SMC5: variants seen among roughly 807,000 people sequenced by gnomAD.
SMC5 encodes structural maintenance of chromosomes protein 5.
In SMC5, 88 loss-of-function variants were observed where a neutral mutation model predicts 148.3. The observed-to-expected ratio is 0.59, with a 90% CI of 0.50 to 0.71. The LOEUF (loss-of-function observed/expected upper bound fraction) is 0.71, where lower values mean the gene tolerates loss of function less well. Among genes scored for constraint, SMC5 ranks in the 30% least tolerant of loss-of-function variants. The pLI, the probability that SMC5 is intolerant of heterozygous loss-of-function variation, is 0.00. For missense variants in SMC5, 1,142 were observed against 1,298.9 expected, an observed-to-expected ratio of 0.88 and a Z score of 1.86; for synonymous variants, 421 against 432.8, an observed-to-expected ratio of 0.97 and a Z score of 0.34.
At chr9:70,287,437 A>G in intron 8 of SMC5, among the ~76,000 whole-genome samples, 1 of 152,110 alleles carries the variant, frequency 6.6e-6, no homozygotes, top group Admixed American at 6.6e-5. Context: ...TGTTAGGATG[A>G]TTAGGTAAGA....
At chr9:70,338,410 C>G (rs982012731) in intron 17 of SMC5, among the ~76,000 whole-genome samples, 1 of 152,132 alleles carries the variant, frequency 6.6e-6, no homozygotes, top group Non-Finnish European at 1.5e-5. Context: ...TTAGCCATTA[C>G]CACATTACTA....
At chr9:70,301,025 TACC>T (rs2035344392) in intron 10 of SMC5, among the ~76,000 whole-genome samples, 1 of 152,182 alleles carries the variant, frequency 6.6e-6, no homozygotes, top group African/African-American at 2.4e-5. Flanking sequence ...TTCAATTTTT[TACC>T]ATATCTTAAA....
intron 22 of SMC5, among the ~76,000 whole-genome samples, chr9:70,349,345 G>A (rs1466896219): frequency 6.6e-6 from 1 of 152,146 alleles, no homozygotes; most frequent in Non-Finnish European, 1.5e-5. Context: ...GGGATTACAG[G>A]CATGAGCCAC....
chr9:70,267,372 C>T (rs2034317985), intron 2 of SMC5, among the ~76,000 whole-genome samples: 1 of 152,098 alleles, frequency 6.6e-6, no homozygotes, highest in Non-Finnish European at 1.5e-5. Flanking sequence ...GATATGTCTG[C>T]TTTATCATGT....
chr9:70,308,228 A>G (rs2035557389), intron 11 of SMC5, among the ~76,000 whole-genome samples: 1 of 152,066 alleles, frequency 6.6e-6, no homozygotes, highest in Admixed American at 6.6e-5. Flanking sequence ...TCTCTTCTGT[A>G]TTAGTGAAAA....
chr9:70,290,847 C>T (rs983089200), intron 8 of SMC5, among the ~76,000 whole-genome samples: 1 of 152,168 alleles, frequency 6.6e-6, no homozygotes, highest in African/African-American at 2.4e-5. Flanking sequence ...GCACCGCCAG[C>T]AAGTATTCTC....
At chr9:70,320,602 G>A (rs893028672) in intron 15 of SMC5, among the ~76,000 whole-genome samples, 2 of 151,990 alleles carry the variant, frequency 1.3e-5, no homozygotes, top group African/African-American at 4.8e-5. Context: ...ATGTTCATAG[G>A]CCATATGCAA....
chr9:70,347,844 A>G, intron 21 of SMC5, 75 bp from the exon 22 acceptor site: 1 of 1,420,320 alleles, frequency 7.0e-7, no homozygotes, highest in South Asian at 1.4e-5. Context: ...CTGATATAAA[A>G]TTTACATAAA....
At chr9:70,337,018 C>G (rs1028901096) in intron 17 of SMC5, among the ~76,000 whole-genome samples, 1 of 152,040 alleles carries the variant, frequency 6.6e-6, no homozygotes, top group Non-Finnish European at 1.5e-5. Context: ...AGGGAAACTC[C>G]CCCTTATAGA....
intron 11 of SMC5, among the ~76,000 whole-genome samples, chr9:70,306,642 G>A (rs764014283): frequency 6.6e-6 from 1 of 152,156 alleles, no homozygotes; most frequent in Non-Finnish European, 1.5e-5. Context: ...TTTTTCAAAT[G>A]GCCAGCTTAG....
intron 17 of SMC5, among the ~76,000 whole-genome samples, chr9:70,328,283 A>C (rs560732998): frequency 6.6e-6 from 1 of 152,280 alleles, no homozygotes; most frequent in East Asian, 1.9e-4. Flanking sequence ...AAGTCCAAGT[A>C]CAAGTTGAAT....
chr9:70,308,374 G>T (rs561311092), intron 11 of SMC5, among the ~76,000 whole-genome samples: 2 of 151,892 alleles, frequency 1.3e-5, no homozygotes, highest in Admixed American at 1.3e-4. Flanking sequence ...GGGAGGCTGA[G>T]GGGGGCGGAT....
rs147354258 is a variant in SMC5, at chr9:70,346,946, C to A, written c.2569-120C>A. ...ACCCTGTTTATTATTCCTTTGTATT[C>A]TTGTGTGCCAGCATGCTGTTGAACA... is the stretch of plus-strand genomic sequence containing the variant. On this transcript the variant is annotated intron_variant, in intron 19 of 24. Coordinates refer to ENST00000361138, the MANE Select transcript of SMC5 (RefSeq NM_015110.4). The A allele has an allele frequency of 4.1e-3, 3,176 of 775,402 alleles. 10 individuals are homozygous for A. The highest frequency in any genetic ancestry group is 0.012 in the South Asian group (666 of 53,848). The allele number at this position is 775,402 out of a possible 1,614,324, so 48.0% of individuals were successfully genotyped here.
chr9:70,268,422 G>A (rs1283529894), intron 3 of SMC5, among the ~76,000 whole-genome samples: 3 of 152,004 alleles, frequency 2.0e-5, no homozygotes, highest in Non-Finnish European at 4.4e-5. Context: ...CTCCAGCCTG[G>A]GAGACAGAGC....
At chr9:70,330,703 T>C (rs1373394901) in intron 17 of SMC5, among the ~76,000 whole-genome samples, 1 of 151,874 alleles carries the variant, frequency 6.6e-6, no homozygotes, top group African/African-American at 2.4e-5. Context: ...CACCATGCCC[T>C]GCTAATTTTT....
chr9:70,353,189 C>T lies in SMC5; in HGVS notation c.*858C>T, dbSNP rs927826141. 6.6e-6 allele frequency: 1 copy of T among 151,722 alleles called. No individual in the cohort carries two copies. The highest frequency in any genetic ancestry group is 2.4e-5 in the African/African-American group (1 of 41,326). 9.4% of individuals were successfully genotyped at this position (151,722 alleles called of 1,614,324 possible). A position where few individuals can be genotyped will look rare whatever the true frequency, so the allele number is the denominator to read the frequency against. On this transcript the variant is annotated 3_prime_UTR_variant, in exon 25 of 25. Transcript: ENST00000361138. ...TTTAGTAAGATTTTTCTTAAAATTTCATATACTGGTTTCTACAATTTATAT... is the reference window on the plus strand; with the variant it reads ...TTTAGTAAGATTTTTCTTAAAATTTTATATACTGGTTTCTACAATTTATAT...
chr9:70,292,096 T>C (rs1158875403), intron 8 of SMC5, among the ~76,000 whole-genome samples: 1 of 152,212 alleles, frequency 6.6e-6, no homozygotes, highest in African/African-American at 2.4e-5. Flanking sequence ...TCCAGAGTGC[T>C]GAAAGTGTAA....
At chr9:70,350,038 T>TAA (rs2036767449) in intron 22 of SMC5, 76 bp from the exon 23 acceptor site, 1 of 1,078,006 alleles carries the variant, frequency 9.3e-7, no homozygotes, top group East Asian at 2.6e-5. Flanking sequence ...ACTCAGTTAA[T>TAA]TCAATCCATT....
In SMC5 at chr9:70,324,012, TG is replaced by T; in HGVS notation, c.2275-8del. The T allele has an allele frequency of 6.5e-7, 1 of 1,540,378 alleles. No individual in the cohort carries two copies. The highest frequency in any genetic ancestry group is 8.7e-7 in the Non-Finnish European group (1 of 1,150,946). Reference sequence around the variant, plus strand: ...ATAAAAATTAACTCTTAGGGGTTTTTGTTCCTAGATTTGTACTTCTTTGCAT... The same window carrying T: ...ATAAAAATTAACTCTTAGGGGTTTTTTTCCTAGATTTGTACTTCTTTGCAT... On this transcript the variant is annotated splice_polypyrimidine_tract_variant and splice_region_variant and intron_variant, in intron 16 of 24. Transcript: ENST00000361138.
Sources: gnomAD v4.1 joint callset for allele counts (sites outside exome capture counted in the v4.1 genomes callset) on GRCh38, gnomAD v4.1.1 for gene constraint, MANE v1.5 for transcripts, NCBI Gene and HGNC (gene_info 2026-07-23, HGNC 2026-07-21) for gene names.